The following NAALADL2 variants were observed in gnomAD, a reference collection of about 807,000 sequenced individuals.
NAALADL2 encodes the protein N-acetylated alpha-linked acidic dipeptidase like 2, also known as inactive N-acetylated-alpha-linked acidic dipeptidase-like protein 2.
In NAALADL2, 76 loss-of-function variants were observed where a neutral mutation model predicts 87.2. The ratio of observed to expected loss-of-function variants is 0.87; its 90% CI spans 0.72 to 1.05. The LOEUF is 1.05. Ranked by LOEUF, NAALADL2 falls within the 50% of genes least tolerant of loss-of-function variation. The pLI is 0.00. For synonymous variants in NAALADL2, 354 were observed against 331.0 expected, an observed-to-expected ratio of 1.07 and a Z score of -0.75; for missense variants, 1,089 against 945.8, an observed-to-expected ratio of 1.15 and a Z score of -1.99.
chr3:175,743,151 C>A (rs544905032), intron 12 of NAALADL2, among the ~76,000 whole-genome samples: 2 of 152,138 alleles, frequency 1.3e-5, no homozygotes, highest in Admixed American at 6.5e-5. Flanking sequence ...CAGGCATGCA[C>A]CACCATGCCC....
intron 2 of NAALADL2, among the ~76,000 whole-genome samples, chr3:175,144,106 A>G (rs1176662759): frequency 6.6e-6 from 1 of 151,938 alleles, no homozygotes; most frequent in Non-Finnish European, 1.5e-5. Context: ...TTTTTTAAAG[A>G]TTATTCTGTT....
chr3:174,957,266 CT>C (rs1295114118), intron 1 of NAALADL2, among the ~76,000 whole-genome samples: 1 of 151,940 alleles, frequency 6.6e-6, no homozygotes, highest in Non-Finnish European at 1.5e-5. Context: ...CACCTCCCTA[CT>C]GCAAGAAGGG....
At chr3:174,898,082 C>G (rs1379875962) in intron 1 of NAALADL2, among the ~76,000 whole-genome samples, 2 of 97,630 alleles carry the variant, frequency 2.0e-5, no homozygotes, top group Non-Finnish European at 3.4e-5. Flanking sequence ...CACTGCACTC[C>G]AGCCTGGGTG....
intron 8 of NAALADL2, among the ~76,000 whole-genome samples, chr3:175,467,415 T>C (rs935326131): frequency 4.6e-5 from 7 of 152,180 alleles, no homozygotes; most frequent in African/African-American, 1.4e-4. Flanking sequence ...TTACAAACCC[T>C]GATACAGTCT....
intron 1 of NAALADL2, among the ~76,000 whole-genome samples, chr3:174,882,811 G>GTATATATACACACGTGTATATATA (rs1560319764): frequency 1.1e-5 from 1 of 91,904 alleles, no homozygotes; most frequent in African/African-American, 7.6e-5. Context: ...GTGTATATGT[G>GTATATATACACACGTGTATATATA]CATATGTGTA....
intron 7 of NAALADL2, among the ~76,000 whole-genome samples, chr3:175,464,224 C>G (rs1723627107): frequency 6.6e-6 from 1 of 152,144 alleles, no homozygotes; most frequent in African/African-American, 2.4e-5. Flanking sequence ...CTATGTCCCA[C>G]TCTGTATCCT....
At chr3:175,300,783 ATTTATTTT>A (rs1486378050) in intron 4 of NAALADL2, among the ~76,000 whole-genome samples, 1 of 140,122 alleles carries the variant, frequency 7.1e-6, no homozygotes, top group African/African-American at 2.9e-5. Flanking sequence ...TTATTTATTT[ATTTATTTT>A]ATTTTATTTT....
chr3:175,807,546 T>C lies in NAALADL2; in HGVS notation c.*4343T>C, dbSNP rs1428703071. 1 of 151,904 alleles carries C rather than the reference T, an allele frequency of 6.6e-6. No individual in the cohort carries two copies. Among genetic ancestry groups the C allele is most frequent in the Non-Finnish European group, 1.5e-5 (1 of 67,896 alleles). 9.4% of individuals were successfully genotyped at this position (151,904 alleles called of 1,614,324 possible). On this transcript the variant is annotated 3_prime_UTR_variant, in exon 14 of 14. Coordinates refer to ENST00000454872, the MANE Select transcript of NAALADL2 (RefSeq NM_207015.3). The stretch of plus-strand genomic sequence containing the variant: ...ATTGGTTTAATGGGCTATTTAAATG[T>C]GCCTTAGCCACACATTTGCTTAATA...
chr3:175,173,407 T>G (rs1392720418), intron 2 of NAALADL2, among the ~76,000 whole-genome samples: 2 of 151,968 alleles, frequency 1.3e-5, no homozygotes, highest in African/African-American at 4.8e-5. Context: ...GAGGCTGAAG[T>G]GGGAGAATTG....
At chr3:174,680,897 G>T (rs992553501) in intron 2 of NAALADL2, among the ~76,000 whole-genome samples, 2 of 152,168 alleles carry the variant, frequency 1.3e-5, no homozygotes, top group Admixed American at 6.5e-5. Context: ...CACAGTACTT[G>T]GTTTTAACTT....
intron 2 of NAALADL2, among the ~76,000 whole-genome samples, chr3:175,170,657 C>G (rs1192076992): frequency 3.3e-5 from 5 of 150,782 alleles, no homozygotes; most frequent in African/African-American, 1.2e-4. Context: ...CATGGACATT[C>G]ATATAGAAGA....
In NAALADL2 at chr3:174,826,052, C is replaced by A. The variant is rs568915434; in HGVS notation, c.-9+88306C>A. ...CAAACAACAACAACAACAACAACAA[C>A]GACAACAACAACAACAACAACAATC... On this transcript the variant is annotated intron_variant, in intron 3 of 3. Transcript: ENST00000434257. 9.6e-5 allele frequency among the ~76,000 whole-genome samples: 14 copies of A among 146,284 alleles called. No homozygotes were observed. The South Asian group carries it at 2.9e-3, about 31-fold the overall frequency.
At chr3:174,800,880 C>A (rs577520414) in intron 3 of NAALADL2, among the ~76,000 whole-genome samples, 3 of 152,296 alleles carry the variant, frequency 2.0e-5, no homozygotes, top group Admixed American at 1.3e-4. Context: ...GATTTGACTA[C>A]CCTGCTGGAT....
At chr3:174,483,929 A>G (rs549419678) in intron 1 of NAALADL2, among the ~76,000 whole-genome samples, 1 of 152,196 alleles carries the variant, frequency 6.6e-6, no homozygotes, top group Admixed American at 6.6e-5. Context: ...GAGACTAGAA[A>G]AAAACAATAA....
At chr3:174,793,267 A>G (rs989901508) in intron 3 of NAALADL2, among the ~76,000 whole-genome samples, 14 of 152,202 alleles carry the variant, frequency 9.2e-5, no homozygotes, top group Admixed American at 6.5e-5. Flanking sequence ...ATTGGGGTTC[A>G]TATATATAAA....
chr3:174,792,867 A>T (rs1227156629), intron 3 of NAALADL2, among the ~76,000 whole-genome samples: 1 of 152,188 alleles, frequency 6.6e-6, no homozygotes, highest in Non-Finnish European at 1.5e-5. Flanking sequence ...CTTTCTTAAA[A>T]TAAGTCCCCT....
At chr3:175,105,776 A>G (rs1723041046) in intron 2 of NAALADL2, among the ~76,000 whole-genome samples, 1 of 151,904 alleles carries the variant, frequency 6.6e-6, no homozygotes, top group Admixed American at 6.6e-5. Flanking sequence ...TCTCTTACAT[A>G]AAGGTGAGCT....
chr3:175,585,168 A>T (rs1168300708), intron 10 of NAALADL2, among the ~76,000 whole-genome samples: 5 of 139,046 alleles, frequency 3.6e-5, no homozygotes, highest in African/African-American at 1.5e-4. Context: ...TACTTTAAAA[A>T]ATTTTTTTTG....
chr3:175,362,962 C>A (rs1765195365), intron 5 of NAALADL2, among the ~76,000 whole-genome samples: 1 of 147,834 alleles, frequency 6.8e-6, no homozygotes, highest in Admixed American at 6.9e-5. Context: ...TTTTCTGATG[C>A]AACCTTTGAG....
Sources: allele counts gnomAD v4.1 joint callset (sites outside exome capture counted in the v4.1 genomes callset), GRCh38; gene constraint gnomAD v4.1.1; transcripts MANE v1.5; gene names NCBI Gene and HGNC (gene_info 2026-07-23, HGNC 2026-07-21).